FBXL7: variants seen among roughly 807,000 people sequenced by gnomAD.
FBXL7 encodes the protein F-box/LRR-repeat protein 7.
A neutral mutation model predicts 38.3 loss-of-function variants in FBXL7; 12 were observed. That is an observed-to-expected ratio of 0.31 (90% CI 0.20 to 0.51). FBXL7 has a LOEUF of 0.51. Ranked by LOEUF, FBXL7 falls within the 20% of genes least tolerant of loss-of-function variation. FBXL7 has a pLI of 0.98. For synonymous variants in FBXL7, 297 were observed against 300.9 expected (o/e 0.99, Z 0.13); for missense variants, 567 against 676.4 (o/e 0.84, Z 1.79).
chr5:15,648,833 CT>C (rs1741617319), intron 2 of FBXL7, among the ~76,000 whole-genome samples: 1 of 151,828 alleles, frequency 6.6e-6, no homozygotes, highest in Non-Finnish European at 1.5e-5. Context: ...TGAACTCAGA[CT>C]CTAAAACTGT....
At chr5:15,842,917 C>G (rs1332118065) in intron 2 of FBXL7, among the ~76,000 whole-genome samples, 1 of 152,040 alleles carries the variant, frequency 6.6e-6, no homozygotes, top group African/African-American at 2.4e-5. Context: ...AGGAGGAGAA[C>G]AGAATAATAC....
intron 2 of FBXL7, among the ~76,000 whole-genome samples, chr5:15,867,795 T>G (rs1201474035): frequency 1.3e-5 from 2 of 152,130 alleles, no homozygotes; most frequent in Non-Finnish European, 2.9e-5. Context: ...CTCTACCCAC[T>G]GTTGCTGGCT....
intron 2 of FBXL7, among the ~76,000 whole-genome samples, chr5:15,737,949 A>G (rs1426679895): frequency 6.6e-6 from 1 of 152,292 alleles, no homozygotes; most frequent in East Asian, 1.9e-4. Context: ...TGCTTTTTGT[A>G]TGTAAAAGCA....
chr5:15,500,653 G>T lies in FBXL7; in HGVS notation c.-24G>T. 1 of 1,613,504 alleles carries T rather than the reference G, an allele frequency of 6.2e-7. No homozygotes were observed. Among genetic ancestry groups the T allele is most frequent in the Non-Finnish European group, 8.5e-7 (1 of 1,179,612 alleles). On this transcript the variant is annotated 5_prime_UTR_variant, in exon 1 of 4. Transcript: ENST00000504595. Reference sequence around the variant, plus strand: ...GCCGCAGCTATGGAGTGTCCCGGGAGACGGCGGGCATGACGGCTACAGGAT... The same window carrying T: ...GCCGCAGCTATGGAGTGTCCCGGGATACGGCGGGCATGACGGCTACAGGAT...
At chr5:15,589,786 A>G (rs7732619) in intron 1 of FBXL7, among the ~76,000 whole-genome samples, 56,281 of 151,954 alleles carry the variant, frequency 0.37, 10,652 homozygotes, top group African/African-American at 0.41. Context: ...TGGTTTTCCA[A>G]TCCAGCCATG....
intron 2 of FBXL7, among the ~76,000 whole-genome samples, chr5:15,687,902 C>A (rs533204873): frequency 2.4e-4 from 37 of 152,168 alleles, no homozygotes; most frequent in Non-Finnish European, 5.0e-4. Context: ...AGAATTGGAG[C>A]TTTTCGAGGA....
intron 2 of FBXL7, among the ~76,000 whole-genome samples, chr5:15,808,286 AT>A (rs963533979): frequency 2.6e-5 from 4 of 151,550 alleles, no homozygotes; most frequent in East Asian, 3.9e-4. Flanking sequence ...TGTAGGTCAA[AT>A]TTTTTTTTAC....
At chr5:15,906,516 T>TAA (rs1561184238) in intron 2 of FBXL7, among the ~76,000 whole-genome samples, 10 of 148,246 alleles carry the variant, frequency 6.7e-5, no homozygotes, top group East Asian at 3.9e-4. Flanking sequence ...ACAAAAAATT[T>TAA]TTTTTTTTTT....
chr5:15,501,969 G>T (rs1736502294), intron 1 of FBXL7, among the ~76,000 whole-genome samples: 1 of 149,768 alleles, frequency 6.7e-6, no homozygotes, highest in Non-Finnish European at 1.5e-5. Flanking sequence ...TAAAGTTAAA[G>T]GCTGCCTTTT....
In FBXL7 at chr5:15,736,729, T is replaced by C. The variant is rs182017010; in HGVS notation, c.127+120657T>C. Among the ~76,000 whole-genome samples, 297 of 152,244 alleles carry C rather than the reference T, an allele frequency of 2.0e-3. 1 individual carries two copies. Among genetic ancestry groups the C allele is most frequent in the African/African-American group, 6.8e-3 (281 of 41,562 alleles). On this transcript the variant is annotated intron_variant, in intron 2 of 3. Transcript: ENST00000504595. The stretch of plus-strand genomic sequence containing the variant: ...CCATTCCTTTTGTCTTCCTCCAATT[T>C]AAAAGCTGAAAAGTAAGACATTCAA...
intron 1 of FBXL7, among the ~76,000 whole-genome samples, chr5:15,543,884 T>C (rs968554246): frequency 6.6e-6 from 1 of 152,198 alleles, no homozygotes; most frequent in Non-Finnish European, 1.5e-5. Flanking sequence ...ATTTGCATTT[T>C]CTTTGTGCTC....
chr5:15,778,677 A>C (rs958492723), intron 2 of FBXL7, among the ~76,000 whole-genome samples: 1 of 152,084 alleles, frequency 6.6e-6, no homozygotes, highest in Non-Finnish European at 1.5e-5. Context: ...ATCCTCAAAA[A>C]TCAGTCCAAG....
intron 2 of FBXL7, among the ~76,000 whole-genome samples, chr5:15,636,506 T>C (rs1741192169): frequency 6.6e-6 from 1 of 152,238 alleles, no homozygotes; most frequent in Non-Finnish European, 1.5e-5. Context: ...TCTGATTGAA[T>C]TAACAGTGCA....
In FBXL7 at chr5:15,512,581, T is replaced by C. The variant is rs188934582; in HGVS notation, c.37+11868T>C. Among the ~76,000 whole-genome samples, 22 of 152,352 alleles carry C rather than the reference T, an allele frequency of 1.4e-4. No homozygotes were observed. The East Asian group carries it at 2.3e-3, about 16-fold the overall frequency. ...GTAAAAAGAAGTTTCTCTGGACATA[T>C]GTCTTTTTCTGAGGATATTCTAGTT... On this transcript the variant is annotated intron_variant, in intron 1 of 3. Coordinates refer to ENST00000504595, the MANE Select transcript of FBXL7 (RefSeq NM_012304.5).
At chr5:15,516,673 A>G (rs1478694859) in intron 1 of FBXL7, among the ~76,000 whole-genome samples, 1 of 151,918 alleles carries the variant, frequency 6.6e-6, no homozygotes, top group Non-Finnish European at 1.5e-5. Flanking sequence ...ATTCTCCCAC[A>G]TGTCGTGGGA....
intron 1 of FBXL7, 92 bp downstream of exon 1, chr5:15,500,805 G>T: frequency 6.7e-7 from 1 of 1,486,436 alleles, no homozygotes. Context: ...TCTCGCCCGC[G>T]GCCGTGACGC....
At chr5:15,666,597 T>C (rs1351909301) in intron 2 of FBXL7, among the ~76,000 whole-genome samples, 1 of 152,198 alleles carries the variant, frequency 6.6e-6, no homozygotes, top group East Asian at 1.9e-4. Context: ...ATTGTCTTAT[T>C]CTTCTGGCAT....
chr5:15,884,275 C>CT (rs1173784871), intron 2 of FBXL7, among the ~76,000 whole-genome samples: 32 of 106,622 alleles, frequency 3.0e-4, no homozygotes, highest in Middle Eastern at 4.5e-3. Context: ...TTTCTTTCTT[C>CT]TTTTTTTTTG....
intron 1 of FBXL7, among the ~76,000 whole-genome samples, chr5:15,571,957 C>A (rs1738802971): frequency 6.6e-6 from 1 of 152,050 alleles, no homozygotes; most frequent in Non-Finnish European, 1.5e-5. Context: ...CAGAATTAGC[C>A]CAGAATTATC....
Sources: allele counts gnomAD v4.1 joint callset (sites outside exome capture counted in the v4.1 genomes callset), GRCh38; gene constraint gnomAD v4.1.1; transcripts MANE v1.5; gene names NCBI Gene and HGNC (gene_info 2026-07-23, HGNC 2026-07-21).